Variants in SUPT3H observed in about 807,000 individuals in gnomAD.
SUPT3H encodes the protein SPT3 homolog, SAGA and STAGA complex component.
SUPT3H carries 44 observed loss-of-function variants against 44.3 expected under a neutral mutation model. The ratio of observed to expected loss-of-function variants is 0.99; its 90% CI spans 0.78 to 1.28. The LOEUF (loss-of-function observed/expected upper bound fraction) is 1.28. SUPT3H is among the 50% of genes most tolerant of loss of function. SUPT3H has a pLI of 0.00. For synonymous variants in SUPT3H, 124 were observed against 125.6 expected (o/e 0.99, Z 0.09); for missense variants, 380 against 387.1 (o/e 0.98, Z 0.15).
chr6:45,078,281 C>T (rs767504653), intron 3 of SUPT3H, among the ~76,000 whole-genome samples: 13 of 152,124 alleles, frequency 8.5e-5, no homozygotes, highest in Non-Finnish European at 1.3e-4. Flanking sequence ...AAATGTTGGT[C>T]ACATAAAAAT....
At chr6:44,994,519 G>A (rs555126238) in intron 6 of SUPT3H, among the ~76,000 whole-genome samples, 2 of 152,080 alleles carry the variant, frequency 1.3e-5, no homozygotes, top group Non-Finnish European at 2.9e-5. Context: ...CCAGGGTTTT[G>A]CTGAAGTCTG....
intron 2 of SUPT3H, among the ~76,000 whole-genome samples, chr6:45,306,841 G>A (rs927724177): frequency 6.6e-5 from 10 of 152,210 alleles, no homozygotes; most frequent in East Asian, 1.9e-4. Context: ...GCGAGGCATC[G>A]CCTCACCCTG....
rs1853650 is a variant in SUPT3H, at chr6:45,124,504, G to A, written c.102-18498C>T. ...TACTAAAAATACAAAAATTAGCTGG[G>A]CATGGTGGTGCATGCCTGTAATCCC... On this transcript the variant is annotated intron_variant, in intron 2 of 10. Coordinates refer to ENST00000371459, the MANE Select transcript of SUPT3H (RefSeq NM_003599.4). Among the ~76,000 whole-genome samples the A allele has an allele frequency of 3.9e-3, 590 of 151,906 alleles. 7 individuals carry two copies. Among genetic ancestry groups the A allele is most frequent in the African/African-American group, 0.014 (563 of 41,420 alleles).
intron 10 of SUPT3H, among the ~76,000 whole-genome samples, chr6:44,862,645 T>C (rs1170202869): frequency 2.8e-5 from 4 of 142,952 alleles, no homozygotes; most frequent in Non-Finnish European, 6.0e-5. Context: ...GCCACTGCAC[T>C]CCAGCCTGGG....
intron 10 of SUPT3H, among the ~76,000 whole-genome samples, chr6:44,837,556 G>A (rs1231050296): frequency 6.6e-6 from 1 of 152,156 alleles, no homozygotes; most frequent in Admixed American, 6.5e-5. Context: ...TAGTGACCTT[G>A]ATAGCCCAAC....
intron 2 of SUPT3H, among the ~76,000 whole-genome samples, chr6:45,236,345 T>C (rs1379803556): frequency 1.3e-5 from 2 of 151,900 alleles, no homozygotes; most frequent in Admixed American, 6.6e-5. Flanking sequence ...GCAATCCCCG[T>C]GGTGAGTAAA....
At chr6:45,329,312 C>T (rs1377866033) in intron 2 of SUPT3H, among the ~76,000 whole-genome samples, 1 of 151,898 alleles carries the variant, frequency 6.6e-6, no homozygotes, top group African/African-American at 2.4e-5. Context: ...AAGAAATCTA[C>T]TTATAAATTC....
In SUPT3H at chr6:45,104,617, G is replaced by A. The variant is rs886686009; in HGVS notation, c.186+1305C>T. 5.3e-5 allele frequency among the ~76,000 whole-genome samples: 8 copies of A among 151,948 alleles called. 1 individual carries two copies. The highest frequency in any genetic ancestry group is 1.9e-4 in the African/African-American group (8 of 41,400). On this transcript the variant is annotated intron_variant, in intron 3 of 10. Coordinates refer to ENST00000371459, the MANE Select transcript of SUPT3H (RefSeq NM_003599.4). ...GCTCATCTTGAATCTGTAGATTTAT[G>A]TATTTCATTAAACTTTTGAATGTTT...
At chr6:45,218,165 A>G (rs1246488222) in intron 2 of SUPT3H, among the ~76,000 whole-genome samples, 1 of 152,182 alleles carries the variant, frequency 6.6e-6, no homozygotes, top group African/African-American at 2.4e-5. Context: ...AGTGAAAAAT[A>G]TATAACATGG....
intron 3 of SUPT3H, among the ~76,000 whole-genome samples, chr6:45,050,857 G>T (rs1181358738): frequency 6.8e-6 from 1 of 146,982 alleles, no homozygotes; most frequent in Non-Finnish European, 1.5e-5. Context: ...TGATGTCCTT[G>T]TGTGTATAAG....
At chr6:45,131,796 A>G (rs1488997176) in intron 2 of SUPT3H, among the ~76,000 whole-genome samples, 1 of 152,206 alleles carries the variant, frequency 6.6e-6, no homozygotes, top group African/African-American at 2.4e-5. Context: ...TTATAGCTTA[A>G]GTATTATTTC....
At chr6:45,027,863 T>G (rs1786273080) in intron 3 of SUPT3H, among the ~76,000 whole-genome samples, 1 of 152,200 alleles carries the variant, frequency 6.6e-6, no homozygotes, top group Non-Finnish European at 1.5e-5. Context: ...ACTGCTACCT[T>G]TTCTTCTAGC....
chr6:45,013,893 G>A (rs1441804476), intron 5 of SUPT3H, among the ~76,000 whole-genome samples: 3 of 152,062 alleles, frequency 2.0e-5, no homozygotes, highest in Non-Finnish European at 1.5e-5. Context: ...CATGTGAGCA[G>A]GTCATGGTTT....
chr6:45,111,367 T>A (rs1274634304), intron 2 of SUPT3H, among the ~76,000 whole-genome samples: 2 of 152,148 alleles, frequency 1.3e-5, no homozygotes, highest in Admixed American at 6.5e-5. Flanking sequence ...TATTTATTGG[T>A]GTTAGAAAAT....
At chr6:45,084,332 GAC>G (rs1362226807) in intron 3 of SUPT3H, among the ~76,000 whole-genome samples, 2 of 152,008 alleles carry the variant, frequency 1.3e-5, no homozygotes, top group African/African-American at 4.8e-5. Context: ...GTGGGCAAAG[GAC>G]ATGAACAGAC....
intron 2 of SUPT3H, among the ~76,000 whole-genome samples, chr6:45,299,210 G>T (rs537623252): frequency 6.6e-6 from 1 of 151,324 alleles, no homozygotes; most frequent in African/African-American, 2.4e-5. Context: ...AAAATTAGCC[G>T]GATGTGATGG....
At chr6:45,312,514 C>CAAAAAAAAAA (rs144073348) in intron 2 of SUPT3H, among the ~76,000 whole-genome samples, 1 of 106,528 alleles carries the variant, frequency 9.4e-6, no homozygotes, top group Non-Finnish European at 1.9e-5. Context: ...GACTCCATCT[C>CAAAAAAAAAA]AAAAAAAAAA....
intron 3 of SUPT3H, among the ~76,000 whole-genome samples, chr6:45,044,238 T>C (rs937646246): frequency 1.3e-5 from 2 of 152,192 alleles, no homozygotes; most frequent in African/African-American, 4.8e-5. Context: ...CACTTTTCAC[T>C]GCAGGGCTGA....
At chr6:45,139,407 C>T (rs1171098066) in intron 2 of SUPT3H, among the ~76,000 whole-genome samples, 1 of 152,100 alleles carries the variant, frequency 6.6e-6, no homozygotes, top group Non-Finnish European at 1.5e-5. Flanking sequence ...ACAAGCAGCT[C>T]CCACTTGGAT....
Sources: allele counts gnomAD v4.1 joint callset (sites outside exome capture counted in the v4.1 genomes callset), GRCh38; gene constraint gnomAD v4.1.1; transcripts MANE v1.5; gene names NCBI Gene and HGNC (gene_info 2026-07-23, HGNC 2026-07-21).